Variants in CDKAL1 observed in about 807,000 individuals in gnomAD.
The protein encoded by CDKAL1 is CDKAL1 threonylcarbamoyladenosine tRNA methylthiotransferase, also known as threonylcarbamoyladenosine tRNA methylthiotransferase.
A neutral mutation model predicts 68.2 loss-of-function variants in CDKAL1; 32 were observed. The observed-to-expected ratio is 0.47, with a 90% CI of 0.35 to 0.63. The LOEUF (loss-of-function observed/expected upper bound fraction) is 0.63. Ranked by LOEUF, CDKAL1 falls within the 30% of genes least tolerant of loss-of-function variation. CDKAL1 has a pLI of 0.00. For missense variants in CDKAL1, 606 were observed against 696.7 expected (o/e 0.87, Z 1.47); for synonymous variants, 234 against 244.3 (o/e 0.96, Z 0.39).
chr6:20,880,040 A>G (rs147756527), intron 9 of CDKAL1, among the ~76,000 whole-genome samples: 1 of 152,174 alleles, frequency 6.6e-6, no homozygotes, highest in Admixed American at 6.5e-5. Context: ...TGATTTAAAA[A>G]CTTTTTATGA....
At chr6:21,180,749 T>C (rs568938539) in intron 13 of CDKAL1, among the ~76,000 whole-genome samples, 6 of 152,294 alleles carry the variant, frequency 3.9e-5, no homozygotes, top group African/African-American at 1.4e-4. Context: ...TCAAAGACCT[T>C]TTGTAGTTTT....
intron 12 of CDKAL1, among the ~76,000 whole-genome samples, chr6:21,068,546 ATGTGTGGGTC>A (rs957168506): frequency 6.6e-6 from 1 of 152,052 alleles, no homozygotes; most frequent in African/African-American, 2.4e-5. Flanking sequence ...ATGTATGTAC[ATGTGTGGGTC>A]TGTCCTGGGC....
chr6:21,108,492 AG>A, intron 13 of CDKAL1, 29 bp downstream of exon 13: 1 of 1,425,566 alleles, frequency 7.0e-7, no homozygotes, highest in Non-Finnish European at 9.7e-7. Context: ...TAGCATATTA[AG>A]TATTAAAGTC....
chr6:21,008,745 C>G (rs548610495), intron 11 of CDKAL1, among the ~76,000 whole-genome samples: 1 of 152,174 alleles, frequency 6.6e-6, no homozygotes, highest in African/African-American at 2.4e-5. Flanking sequence ...GTATATATGG[C>G]AGGAAGGGAC....
chr6:21,002,860 G>A (rs571159975), intron 11 of CDKAL1, among the ~76,000 whole-genome samples: 26 of 151,868 alleles, frequency 1.7e-4, no homozygotes, highest in Admixed American at 1.3e-3. Context: ...GTGTTGGCTC[G>A]CACCTGTGAT....
chr6:21,196,145 A>G (rs1778462674), intron 13 of CDKAL1, among the ~76,000 whole-genome samples: 1 of 152,232 alleles, frequency 6.6e-6, no homozygotes, highest in African/African-American at 2.4e-5. Context: ...AGAAGAAGAA[A>G]GAAGCAGCAT....
At chr6:21,206,867 A>G (rs982073040) in intron 15 of CDKAL1, among the ~76,000 whole-genome samples, 4 of 152,148 alleles carry the variant, frequency 2.6e-5, no homozygotes, top group Non-Finnish European at 4.4e-5. Context: ...AGAATTCAGT[A>G]AGTATCACTT....
intron 5 of CDKAL1, among the ~76,000 whole-genome samples, chr6:20,658,598 TTC>T (rs1769137600): frequency 1.3e-5 from 2 of 152,140 alleles, no homozygotes; most frequent in African/African-American, 4.8e-5. Flanking sequence ...GTTCTTTTTC[TTC>T]ATAAATTGAA....
Position 20,830,922 on chromosome 6 carries a change from ATT to A in CDKAL1, c.639-15143_639-15142del, listed in dbSNP as rs35997536. 4.5e-3 allele frequency among the ~76,000 whole-genome samples: 675 copies of A among 150,392 alleles called. 5 individuals carry two copies. The highest frequency in any genetic ancestry group is 0.015 in the African/African-American group (617 of 40,988). On this transcript the variant is annotated intron_variant, in intron 8 of 15. Transcript: ENST00000274695. ...GAACTAGACAAATATATGTTTTTAG[ATT>A]TTTTTTTTTCCAACTTTGATTTTTT... is the stretch of plus-strand genomic sequence containing the variant.
At chr6:20,665,809 A>C (rs1197004230) in intron 5 of CDKAL1, among the ~76,000 whole-genome samples, 1 of 152,090 alleles carries the variant, frequency 6.6e-6, no homozygotes, top group African/African-American at 2.4e-5. Context: ...GAGATATTAT[A>C]AATATATTTT....
At chr6:20,584,272 C>A (rs1029544967) in intron 4 of CDKAL1, among the ~76,000 whole-genome samples, 1 of 151,972 alleles carries the variant, frequency 6.6e-6, no homozygotes, top group African/African-American at 2.4e-5. Flanking sequence ...CACAGGAGTC[C>A]GGTTTGATCA....
At chr6:20,769,894 A>G (rs1208327757) in intron 7 of CDKAL1, among the ~76,000 whole-genome samples, 1 of 152,084 alleles carries the variant, frequency 6.6e-6, no homozygotes, top group Non-Finnish European at 1.5e-5. Context: ...TGTTCCACAT[A>G]CCCTCCTTTC....
chr6:20,686,531 G>A (rs971325232), intron 5 of CDKAL1, among the ~76,000 whole-genome samples: 3 of 152,086 alleles, frequency 2.0e-5, no homozygotes, highest in African/African-American at 7.2e-5. Flanking sequence ...CTCAGGGCTC[G>A]CACTGATTTT....
At chr6:21,009,774 A>G (rs1334039614) in intron 11 of CDKAL1, among the ~76,000 whole-genome samples, 1 of 152,242 alleles carries the variant, frequency 6.6e-6, no homozygotes, top group Non-Finnish European at 1.5e-5. Context: ...GTTCTCACTC[A>G]TATGCAGGAG....
chr6:21,184,864 A>C (rs1582377317), intron 13 of CDKAL1, among the ~76,000 whole-genome samples: 2 of 122,136 alleles, frequency 1.6e-5, no homozygotes, highest in African/African-American at 3.2e-5. Context: ...ATGGGGTTTC[A>C]CCATGTTGCC....
intron 5 of CDKAL1, among the ~76,000 whole-genome samples, chr6:20,738,614 T>G (rs527266983): frequency 6.6e-6 from 1 of 151,556 alleles, no homozygotes; most frequent in African/African-American, 2.4e-5. Context: ...TCCTCCTGGC[T>G]CAGCCTCCAG....
At chr6:20,833,312 A>G (rs1777794996) in intron 8 of CDKAL1, among the ~76,000 whole-genome samples, 1 of 152,150 alleles carries the variant, frequency 6.6e-6, no homozygotes. Flanking sequence ...CTGAGTAGCA[A>G]CATGCACTGT....
intron 11 of CDKAL1, among the ~76,000 whole-genome samples, chr6:21,002,943 T>C (rs867241531): frequency 4.0e-5 from 6 of 151,732 alleles, no homozygotes; most frequent in Non-Finnish European, 5.9e-5. Context: ...GAGCCAAGAT[T>C]ACGCCACTGC....
chr6:20,869,863 T>A (rs1760111696), intron 9 of CDKAL1, among the ~76,000 whole-genome samples: 1 of 152,302 alleles, frequency 6.6e-6, no homozygotes, highest in African/African-American at 2.4e-5. Flanking sequence ...GCTGATTTTT[T>A]AATGCTGTAT....
Sources: allele counts gnomAD v4.1 joint callset (sites outside exome capture counted in the v4.1 genomes callset), GRCh38; gene constraint gnomAD v4.1.1; transcripts MANE v1.5; gene names NCBI Gene and HGNC (gene_info 2026-07-23, HGNC 2026-07-21).